Variants in WDPCP observed in about 807,000 individuals in gnomAD.
The protein encoded by WDPCP is WD repeat containing planar cell polarity effector, also known as WD repeat-containing and planar cell polarity effector protein fritz homolog.
WDPCP carries 71 observed loss-of-function variants against 93.1 expected under a neutral mutation model. That is an observed-to-expected ratio of 0.76 (90% CI 0.63 to 0.93). WDPCP has a LOEUF of 0.93. Ranked by LOEUF, WDPCP falls within the 40% of genes least tolerant of loss-of-function variation. The probability of loss-of-function intolerance (pLI) is 0.00; values close to 1 mark genes in which losing one functional copy is unlikely to be tolerated. For missense variants in WDPCP, 844 were observed against 887.4 expected, an observed-to-expected ratio of 0.95 and a Z score of 0.62; for synonymous variants, 315 against 315.0, an observed-to-expected ratio of 1.00 and a Z score of 0.00.
chr2:63,527,196 T>C (rs912194002), intron 1 of WDPCP, among the ~76,000 whole-genome samples: 1 of 151,622 alleles, frequency 6.6e-6, no homozygotes, highest in Non-Finnish European at 1.5e-5. Context: ...CAAGCTAGTT[T>C]ACTAACAGAG....
chr2:63,529,475 T>C (rs545661752), intron 1 of WDPCP, among the ~76,000 whole-genome samples: 8 of 152,224 alleles, frequency 5.3e-5, no homozygotes, highest in Non-Finnish European at 1.0e-4. Flanking sequence ...GAGATAATCA[T>C]GTGGTTTTTG....
intron 14 of WDPCP, among the ~76,000 whole-genome samples, chr2:63,222,086 A>T (rs1273625021): frequency 6.6e-6 from 1 of 152,160 alleles, no homozygotes; most frequent in Non-Finnish European, 1.5e-5. Context: ...CTTGCAGGCA[A>T]TTCACCTGTG....
At chr2:63,668,941 T>C (rs1674341822) in intron 2 of WDPCP, among the ~76,000 whole-genome samples, 1 of 152,200 alleles carries the variant, frequency 6.6e-6, no homozygotes, top group Non-Finnish European at 1.5e-5. Context: ...AACCCTTCTT[T>C]CCCAGGAGAG....
At chr2:63,802,617 A>AT (rs1240057957) in intron 2 of WDPCP, among the ~76,000 whole-genome samples, 1 of 152,142 alleles carries the variant, frequency 6.6e-6, no homozygotes, top group South Asian at 2.1e-4. Context: ...ACAGATGATG[A>AT]TTTTTTTAAT....
chr2:63,608,196 A>C (rs1196551945), intron 3 of WDPCP, among the ~76,000 whole-genome samples: 1 of 152,338 alleles, frequency 6.6e-6, no homozygotes, highest in South Asian at 2.1e-4. Context: ...TTATATTAAA[A>C]AAATGGTAAT....
At position 63,575,467 on chromosome 2, in the gene WDPCP, G is replaced by GTATACACTGTATATA. The variant is rs1558832897; in HGVS notation, c.75+12729_75+12730insTATATACAGTGTATA. Among the ~76,000 whole-genome samples, 4 of 6,840 alleles carry GTATACACTGTATATA rather than the reference G, an allele frequency of 5.8e-4. 1 individual carries two copies. Among genetic ancestry groups the GTATACACTGTATATA allele is most frequent in the Non-Finnish European group, 7.5e-4 (3 of 4,006 alleles). The allele number at this position is 6,840 out of a possible 152,430, so 4.5% of individuals were successfully genotyped here. ...TATACACTGTATATACAGTATATAT[G>GTATACACTGTATATA]CAGTATATACAGTGTATATATAGTA... On this transcript the variant is annotated intron_variant, in intron 1 of 17. Transcript: ENST00000272321.
the WDPCP span, among the ~76,000 whole-genome samples, chr2:63,833,625 C>A: frequency 3.3e-5 from 5 of 152,180 alleles, no homozygotes; most frequent in Admixed American, 2.0e-4. Flanking sequence ...CATACCTAAT[C>A]TAGAATATCA....
chr2:63,784,178 G>C (rs1000295293), intron 2 of WDPCP, among the ~76,000 whole-genome samples: 1 of 152,058 alleles, frequency 6.6e-6, no homozygotes, highest in Non-Finnish European at 1.5e-5. Flanking sequence ...ATGAACAAAA[G>C]TGTATCAATG....
At chr2:63,709,024 C>A (rs1484853365) in intron 2 of WDPCP, among the ~76,000 whole-genome samples, 1 of 133,854 alleles carries the variant, frequency 7.5e-6, no homozygotes, top group Non-Finnish European at 1.5e-5. Flanking sequence ...AGTTCAAGAC[C>A]AGCCTGGCCA....
At chr2:63,170,992 A>G (rs1673344709) in intron 15 of WDPCP, among the ~76,000 whole-genome samples, 1 of 152,130 alleles carries the variant, frequency 6.6e-6, no homozygotes, top group South Asian at 2.1e-4. Context: ...CTTCCTCAAA[A>G]AAATACTGGG....
chr2:63,560,815 T>G (rs1296300132), intron 1 of WDPCP, among the ~76,000 whole-genome samples: 1 of 152,050 alleles, frequency 6.6e-6, no homozygotes, highest in Admixed American at 6.5e-5. Context: ...GGGAACATCA[T>G]ACACTGGGGC....
At chr2:63,382,210 G>A (rs1426250164) in intron 10 of WDPCP, 116 bp from the exon 11 acceptor site, 1 of 982,878 alleles carries the variant, frequency 1.0e-6, no homozygotes, top group Non-Finnish European at 1.5e-6. Flanking sequence ...TGCTAGAAAT[G>A]TGGGACTGAT....
chr2:63,224,929 T>C (rs369757121), intron 14 of WDPCP, among the ~76,000 whole-genome samples: 4 of 151,894 alleles, frequency 2.6e-5, no homozygotes, highest in East Asian at 1.9e-4. Context: ...GGCTCACCAA[T>C]TGTAACAGAT....
At chr2:63,624,911 T>C (rs1330929527) in intron 3 of WDPCP, among the ~76,000 whole-genome samples, 1 of 152,194 alleles carries the variant, frequency 6.6e-6, no homozygotes, top group Non-Finnish European at 1.5e-5. Flanking sequence ...CTGATGAACA[T>C]TGATGTGAAA....
chr2:63,524,722 G>A (rs1703192607), intron 1 of WDPCP, among the ~76,000 whole-genome samples: 1 of 152,108 alleles, frequency 6.6e-6, no homozygotes, highest in Non-Finnish European at 1.5e-5. Context: ...GATGGCAAAA[G>A]CAATGCAATA....
intron 3 of WDPCP, among the ~76,000 whole-genome samples, chr2:63,602,990 C>T (rs893893031): frequency 2.9e-5 from 3 of 102,086 alleles, no homozygotes; most frequent in African/African-American, 3.7e-5. Flanking sequence ...GACAGAGTCT[C>T]GCCCTGTCGC....
intron 12 of WDPCP, among the ~76,000 whole-genome samples, chr2:63,357,555 T>C (rs896721952): frequency 6.6e-6 from 1 of 152,070 alleles, no homozygotes; most frequent in African/African-American, 2.4e-5. Flanking sequence ...AAAAGCACAA[T>C]GAGATACCAT....
intron 1 of WDPCP, among the ~76,000 whole-genome samples, chr2:63,523,432 T>A (rs1049224872): frequency 6.6e-6 from 1 of 152,072 alleles, no homozygotes; most frequent in Non-Finnish European, 1.5e-5. Flanking sequence ...CTATTAAACA[T>A]AGCAATGGAA....
At chr2:63,163,937 A>G (rs939991526) in intron 15 of WDPCP, among the ~76,000 whole-genome samples, 1 of 152,204 alleles carries the variant, frequency 6.6e-6, no homozygotes, top group African/African-American at 2.4e-5. Context: ...AAATTTAACA[A>G]CTTTTAACAA....
Sources: allele counts gnomAD v4.1 joint callset (sites outside exome capture counted in the v4.1 genomes callset), GRCh38; gene constraint gnomAD v4.1.1; transcripts MANE v1.5; gene names NCBI Gene and HGNC (gene_info 2026-07-23, HGNC 2026-07-21).